The following JAKMIP3 variants were observed in gnomAD, a reference collection of about 807,000 sequenced individuals.
The protein encoded by JAKMIP3 is Janus kinase and microtubule interacting protein 3, also known as janus kinase and microtubule-interacting protein 3.
In JAKMIP3, 58 loss-of-function variants were observed where a neutral mutation model predicts 118.5. That is an observed-to-expected ratio of 0.49 (90% CI 0.40 to 0.61). The LOEUF is 0.61. Among genes scored for constraint, JAKMIP3 ranks in the 20% least tolerant of loss-of-function variants. The pLI is 0.00. For synonymous variants in JAKMIP3, 486 were observed against 451.2 expected, an observed-to-expected ratio of 1.08 and a Z score of -0.98; for missense variants, 950 against 1,109.0, an observed-to-expected ratio of 0.86 and a Z score of 2.04.
Position 132,135,996 on chromosome 10 carries a change from C to A in JAKMIP3, c.1036C>A (p.Arg346=), listed in dbSNP as rs908104354. Residue 346 remains arginine, a synonymous_variant, in exon 6 of 24, where the codon CGG becomes AGG. Coordinates refer to ENST00000684848, the MANE Select transcript of JAKMIP3 (RefSeq NM_001323087.2). The part of the protein sequence containing the change: ...PLLDKNKRLS[R]KNEDLSHALR... ...GCTGGATAAAAACAAGCGCCTCAGT[C>A]GGAAGAACGAGGATTTGTCTCATGC... 1 of 1,613,500 alleles carries A rather than the reference C, an allele frequency of 6.2e-7. No homozygotes were observed. Among genetic ancestry groups the A allele is most frequent in the South Asian group, 1.1e-5 (1 of 91,022 alleles).
intron 23 of JAKMIP3, among the ~76,000 whole-genome samples, chr10:132,181,814 A>G (rs113228622): frequency 7.3e-6 from 1 of 136,134 alleles, no homozygotes; most frequent in African/African-American, 3.1e-5. Flanking sequence ...GCGTGCCCTC[A>G]CTCCCGCCCC....
chr10:132,122,039 G>A (rs1485219962), intron 3 of JAKMIP3, among the ~76,000 whole-genome samples: 1 of 152,214 alleles, frequency 6.6e-6, no homozygotes, highest in Non-Finnish European at 1.5e-5. Flanking sequence ...GGTCTGTTTT[G>A]TTCACTACTC....
rs1460334923 is a variant in JAKMIP3 at position 132,167,959 on chromosome 10, A to G, written c.*29A>G. On this transcript the variant is annotated 3_prime_UTR_variant, in exon 23 of 24. Coordinates refer to ENST00000684848, the MANE Select transcript of JAKMIP3 (RefSeq NM_001323087.2). The stretch of plus-strand genomic sequence containing the variant: ...TACGTTTCATTTCTTCCAGCCCCAC[A>G]TTGAATCGGACCCTTTTCCTCCAGT... 2 of 1,289,026 alleles carry G rather than the reference A, an allele frequency of 1.6e-6. No individual in the cohort carries two copies. The highest frequency in any genetic ancestry group is 1.0e-6 in the Non-Finnish European group (1 of 988,708). 79.8% of individuals were successfully genotyped at this position (1,289,026 alleles called of 1,614,324 possible). A position where few individuals can be genotyped will look rare whatever the true frequency, so the allele number is the denominator to read the frequency against.
intron 1 of JAKMIP3, among the ~76,000 whole-genome samples, chr10:132,073,950 C>T (rs1443719388): frequency 2.6e-5 from 4 of 152,182 alleles, no homozygotes; most frequent in East Asian, 3.8e-4. Flanking sequence ...AATCTCCATA[C>T]GGTTTTCCAT....
rs1318352347 is a variant in JAKMIP3, at chr10:132,180,616, CGTGTGTGT to C, written c.*1104-1739_*1104-1732del. ...GTGTGTGCGTGCGCGTGTGTGTGTG[CGTGTGTGT>C]GCGTGTGTGCGTGCGTGTGTGCGTG... On this transcript the variant is annotated intron_variant, in intron 23 of 23. Coordinates refer to ENST00000684848, the MANE Select transcript of JAKMIP3 (RefSeq NM_001323087.2). Among the ~76,000 whole-genome samples the C allele has an allele frequency of 1.6e-3, 23 of 14,598 alleles. 1 individual carries two copies. Among genetic ancestry groups the C allele is most frequent in the Middle Eastern group, 0.062 (1 of 16 alleles). 9.6% of individuals were successfully genotyped at this position (14,598 alleles called of 152,430 possible).
At chr10:132,089,499 G>T (rs1178588056) in intron 1 of JAKMIP3, among the ~76,000 whole-genome samples, 1 of 152,078 alleles carries the variant, frequency 6.6e-6, no homozygotes, top group Non-Finnish European at 1.5e-5. Context: ...TCATGATTTG[G>T]CTCTCTGTTT....
At chr10:132,090,334 T>G (rs1054988737) in intron 1 of JAKMIP3, among the ~76,000 whole-genome samples, 11 of 152,250 alleles carry the variant, frequency 7.2e-5, no homozygotes, top group Non-Finnish European at 1.2e-4. Context: ...TGAATCCATC[T>G]GGTCTTGGAC....
rs557808718 is a variant in JAKMIP3, at chr10:132,058,807, C to T, written c.-138+22069C>T. On this transcript the variant is annotated intron_variant, in intron 1 of 23. Transcript: ENST00000657785. Reference sequence around the variant, plus strand: ...TGGATAAATCCACCGTATGTTCAAGCGATCAAAAATGCATAAAGTACCCCG... The same window carrying T: ...TGGATAAATCCACCGTATGTTCAAGTGATCAAAAATGCATAAAGTACCCCG... Among the ~76,000 whole-genome samples, 6 of 152,302 alleles carry T rather than the reference C, an allele frequency of 3.9e-5. No individual in the cohort carries two copies. In the East Asian group the frequency reaches 5.8e-4, roughly 15 times the overall value.
In JAKMIP3 at chr10:132,129,477, A is replaced by G. The variant is rs1308653659; in HGVS notation, c.634-3835A>G. On this transcript the variant is annotated intron_variant, in intron 3 of 23. Coordinates refer to ENST00000684848, the MANE Select transcript of JAKMIP3 (RefSeq NM_001323087.2). ...AGATCTTTGGCATTCCTTTTCTGCC[A>G]TTCCCTCCTCTGCTCTCCAAATCCC... Among the ~76,000 whole-genome samples the G allele has an allele frequency of 5.9e-5, 9 of 152,188 alleles. No individual in the cohort carries two copies. The East Asian group carries it at 7.7e-4, about 13-fold the overall frequency.
chr10:132,137,139 G>A lies in JAKMIP3; in HGVS notation c.1237G>A (p.Glu413Lys), dbSNP rs768911626. 4 of 1,613,950 alleles carry A rather than the reference G, an allele frequency of 2.5e-6. No individual in the cohort carries two copies. Among genetic ancestry groups the A allele is most frequent in the Non-Finnish European group, 3.4e-6 (4 of 1,179,868 alleles). ...QIVEQQNLID[E>K]LSKTLETAGY... ...TGTGGAGCAGCAAAACCTCATAGAT[G>A]AACTGTCTAAGGTACCCGGCGGGCT... Residue 413 changes from glutamate (E) to lysine (K), a missense_variant, in exon 7 of 24, where the codon GAA becomes AAA. By Grantham distance (56) the Glu-to-Lys change is moderately conservative. Coordinates refer to ENST00000684848, the MANE Select transcript of JAKMIP3 (RefSeq NM_001323087.2).
intron 1 of JAKMIP3, among the ~76,000 whole-genome samples, chr10:132,083,919 CT>C (rs1448167661): frequency 1.3e-5 from 2 of 152,288 alleles, no homozygotes; most frequent in East Asian, 3.9e-4. Flanking sequence ...CAGTACCACG[CT>C]GTTTTGGTGA....
At position 132,180,570 on chromosome 10, in the gene JAKMIP3, T is replaced by TGTGTGCGC. The variant is rs2060778139; in HGVS notation, c.*1104-1782_*1104-1781insCGCGTGTG. Among the ~76,000 whole-genome samples, 2 of 19,960 alleles carry TGTGTGCGC rather than the reference T, an allele frequency of 1.0e-4. 1 individual carries two copies. The highest frequency in any genetic ancestry group is 3.7e-4 in the African/African-American group (2 of 5,382). 13.1% of individuals were successfully genotyped at this position (19,960 alleles called of 152,430 possible). On this transcript the variant is annotated intron_variant, in intron 23 of 23. Coordinates refer to ENST00000684848, the MANE Select transcript of JAKMIP3 (RefSeq NM_001323087.2). Reference sequence around the variant, plus strand: ...GCGTGCGTGCATGCGTGTGTGTGCGTGTGTGTGTGCGTGCGCGTGTGTGTG... The same window carrying TGTGTGCGC: ...GCGTGCGTGCATGCGTGTGTGTGCGTGTGTGCGCGTGTGTGTGCGTGCGCGTGTGTGTG...
At chr10:132,041,182 A>C (rs2037734594) in intron 1 of JAKMIP3, among the ~76,000 whole-genome samples, 1 of 152,160 alleles carries the variant, frequency 6.6e-6, no homozygotes, top group Non-Finnish European at 1.5e-5. Flanking sequence ...CAGCCTCCCA[A>C]GTAGCTGGGA....
At chr10:132,143,534 C>T (rs1180861888) in intron 11 of JAKMIP3, among the ~76,000 whole-genome samples, 1 of 144,978 alleles carries the variant, frequency 6.9e-6, no homozygotes, top group Admixed American at 6.9e-5. Flanking sequence ...TAAAAATGTC[C>T]AAACTGCATG....
intron 17 of JAKMIP3, among the ~76,000 whole-genome samples, chr10:132,153,301 G>A (rs1160728917): frequency 1.3e-5 from 2 of 152,198 alleles, no homozygotes; most frequent in East Asian, 1.9e-4. Flanking sequence ...TGCAGGCAGC[G>A]TTCTCTGTTC....
chr10:132,180,678 CGCGCGTGTGTGTGCGTGCGTGT>C (rs1565020499), intron 23 of JAKMIP3, among the ~76,000 whole-genome samples: 7 of 9,564 alleles, frequency 7.3e-4, no homozygotes, highest in South Asian at 0.01. Context: ...TGTGTGTGCG[CGCGCGTGTGTGTGCGTGCGTGT>C]GTGTGTGCGC....
At chr10:132,086,096 C>T (rs985418168) in intron 1 of JAKMIP3, among the ~76,000 whole-genome samples, 1 of 152,098 alleles carries the variant, frequency 6.6e-6, no homozygotes, top group African/African-American at 2.4e-5. Context: ...TTTAAATTTT[C>T]ATCTTGATTT....
At chr10:132,121,700 C>T (rs10781559) in intron 3 of JAKMIP3, among the ~76,000 whole-genome samples, 79,484 of 152,032 alleles carry the variant, frequency 0.52, 21,246 homozygotes, top group South Asian at 0.62. Context: ...GGATAGAGCA[C>T]TGTGGACGAG....
intron 1 of JAKMIP3, among the ~76,000 whole-genome samples, chr10:132,088,690 G>C (rs2042722381): frequency 6.6e-6 from 1 of 152,170 alleles, no homozygotes; most frequent in African/African-American, 2.4e-5. Flanking sequence ...TTCTTTTGCT[G>C]TGCAGAAGCT....
Sources: allele counts gnomAD v4.1 joint callset (sites outside exome capture counted in the v4.1 genomes callset), GRCh38; gene constraint gnomAD v4.1.1; transcripts MANE v1.5; gene names NCBI Gene and HGNC (gene_info 2026-07-23, HGNC 2026-07-21).